Variants in HCN1 observed in about 807,000 individuals in gnomAD.
The protein encoded by HCN1 is hyperpolarization activated cyclic nucleotide gated potassium channel 1, also known as potassium/sodium hyperpolarization-activated cyclic nucleotide-gated channel 1.
Under a neutral mutation model 78.9 loss-of-function variants are expected in HCN1, and 13 were observed. The observed-to-expected ratio is 0.16, with a 90% confidence interval of 0.11 to 0.26. The LOEUF (loss-of-function observed/expected upper bound fraction) is 0.26, where lower values mean the gene tolerates loss of function less well. Among genes scored for constraint, HCN1 ranks in the 10% least tolerant of loss-of-function variants. The pLI is 1.00. For missense variants in HCN1, 810 were observed against 1,154.3 expected, an observed-to-expected ratio of 0.70 and a Z score of 4.32; for synonymous variants, 552 against 455.5, an observed-to-expected ratio of 1.21 and a Z score of -2.70.
chr5:45,416,227 G>A lies in HCN1; in HGVS notation c.1012-19517C>T, dbSNP rs183183997. Among the ~76,000 whole-genome samples the A allele has an allele frequency of 1.3e-3, 192 of 151,736 alleles. 1 individual carries two copies. The highest frequency in any genetic ancestry group is 4.5e-3 in the African/African-American group (186 of 41,400). On this transcript the variant is annotated intron_variant, in intron 3 of 7. Transcript: ENST00000303230. ...TTATTTTAATCATGAATGCATTGTC[G>A]GGGGTAAGCATCACTGGCTAGTTTT... is the stretch of plus-strand genomic sequence containing the variant.
intron 2 of HCN1, among the ~76,000 whole-genome samples, chr5:45,486,495 C>T (rs542921962): frequency 1.4e-4 from 22 of 152,188 alleles, no homozygotes; most frequent in African/African-American, 5.3e-4. Flanking sequence ...ATTAAATATA[C>T]TCTCATGGGG....
intron 3 of HCN1, among the ~76,000 whole-genome samples, chr5:45,421,004 G>A (rs530711176): frequency 5.3e-5 from 8 of 152,154 alleles, no homozygotes; most frequent in South Asian, 2.1e-4. Context: ...TGTTCACAGC[G>A]GCATGGCTTT....
At chr5:45,334,583 T>C (rs1172620757) in intron 5 of HCN1, among the ~76,000 whole-genome samples, 1 of 151,976 alleles carries the variant, frequency 6.6e-6, no homozygotes, top group East Asian at 1.9e-4. Context: ...AAGTACTTCC[T>C]TTGAGACTGA....
At chr5:45,543,504 C>T (rs1743144878) in intron 2 of HCN1, among the ~76,000 whole-genome samples, 1 of 151,810 alleles carries the variant, frequency 6.6e-6, no homozygotes, top group South Asian at 2.1e-4. Flanking sequence ...ACCTTGAAAC[C>T]CATAAACATT....
intron 4 of HCN1, among the ~76,000 whole-genome samples, chr5:45,369,626 A>AGAAG (rs1481465175): frequency 6.6e-6 from 1 of 152,134 alleles, no homozygotes; most frequent in Non-Finnish European, 1.5e-5. Context: ...TTCAGTGGTA[A>AGAAG]GAAATTTAAA....
chr5:45,559,926 C>A (rs1743559808), intron 2 of HCN1: 2 of 152,120 alleles, frequency 1.3e-5, no homozygotes, highest in African/African-American at 4.8e-5. Context: ...GTAAACACTG[C>A]CCTGATAAGC....
At chr5:45,376,347 T>TAGAGAGAG (rs1326291156) in intron 4 of HCN1, among the ~76,000 whole-genome samples, 4 of 97,278 alleles carry the variant, frequency 4.1e-5, no homozygotes, top group African/African-American at 1.4e-4. Flanking sequence ...ATTATATATA[T>TAGAGAGAG]ATAGAGAGAG....
At chr5:45,415,405 T>C (rs1249111781) in intron 3 of HCN1, among the ~76,000 whole-genome samples, 1 of 151,948 alleles carries the variant, frequency 6.6e-6, no homozygotes, top group Non-Finnish European at 1.5e-5. Flanking sequence ...AAAAACTTGG[T>C]CATGATGTAT....
At chr5:45,593,390 GAC>G (rs879303445) in intron 2 of HCN1, among the ~76,000 whole-genome samples, 11 of 148,818 alleles carry the variant, frequency 7.4e-5, no homozygotes, top group Non-Finnish European at 1.6e-4. Context: ...TAAGATGCAG[GAC>G]ACAGTGTGCT....
chr5:45,497,718 T>C (rs1344436311), intron 2 of HCN1, among the ~76,000 whole-genome samples: 2 of 152,168 alleles, frequency 1.3e-5, no homozygotes, highest in African/African-American at 4.8e-5. Context: ...TTGCAGCAGC[T>C]GGTACTGGTT....
intron 3 of HCN1, among the ~76,000 whole-genome samples, chr5:45,425,638 A>G (rs1182295621): frequency 6.6e-6 from 1 of 152,212 alleles, no homozygotes; most frequent in Non-Finnish European, 1.5e-5. Context: ...AGGACTAAGT[A>G]ATGAAGTAGT....
chr5:45,537,832 T>C (rs1210199690), intron 2 of HCN1, among the ~76,000 whole-genome samples: 1 of 152,088 alleles, frequency 6.6e-6, no homozygotes, highest in African/African-American at 2.4e-5. Flanking sequence ...TGACTACAAC[T>C]ATGTAAAGAA....
chr5:45,639,338 T>C (rs1173054975), intron 2 of HCN1, among the ~76,000 whole-genome samples: 2 of 152,210 alleles, frequency 1.3e-5, no homozygotes, highest in Admixed American at 1.3e-4. Flanking sequence ...TCAGTAGATG[T>C]GCTAATTTCA....
At chr5:45,615,137 A>T (rs2111985286) in intron 2 of HCN1, among the ~76,000 whole-genome samples, 1 of 152,200 alleles carries the variant, frequency 6.6e-6, no homozygotes, top group South Asian at 2.1e-4. Flanking sequence ...TCTAAGCAAG[A>T]TGATATAAAT....
rs879592315 is a variant in HCN1, at chr5:45,442,620, G to A, written c.1011+19226C>T. Among the ~76,000 whole-genome samples the A allele has an allele frequency of 5.7e-3, 868 of 151,812 alleles. 7 individuals are homozygous for A. Among genetic ancestry groups the A allele is most frequent in the Non-Finnish European group, 8.1e-3 (553 of 67,888 alleles). On this transcript the variant is annotated intron_variant, in intron 3 of 7. Transcript: ENST00000303230. ...TAGTTACCATATATAAAATATAATG[G>A]CATTTACAATAAAAAACATCTGAAT...
Position 45,343,970 on chromosome 5 carries a change from G to C in HCN1, c.1377+9130C>G, listed in dbSNP as rs558297513. The stretch of plus-strand genomic sequence containing the variant: ...TTATCAATAATTAACAGGTGTATTA[G>C]TATATTATAATGCTGTTAATAAAGA... On this transcript the variant is annotated intron_variant, in intron 5 of 7. Transcript: ENST00000303230. Among the ~76,000 whole-genome samples, 3 of 152,160 alleles carry C rather than the reference G, an allele frequency of 2.0e-5. No homozygotes were observed. In the South Asian group the frequency reaches 6.2e-4, roughly 32 times the overall value.
chr5:45,696,216 G>A lies in HCN1; in HGVS notation c.-123C>T. 1 of 204,246 alleles carries A rather than the reference G, an allele frequency of 4.9e-6. No homozygotes were observed. The highest frequency in any genetic ancestry group is 8.6e-6 in the Non-Finnish European group (1 of 116,096). 12.7% of individuals were successfully genotyped at this position (204,246 alleles called of 1,614,324 possible). ...GCCGGCGAGCCCAGCTGCCCGTCGC[G>A]GCGGCGGCGGCGGCGGCGGCGGCTG... On this transcript the variant is annotated 5_prime_UTR_variant, in exon 1 of 8. Coordinates refer to ENST00000303230, the MANE Select transcript of HCN1 (RefSeq NM_021072.4).
chr5:45,467,152 G>A (rs993850907), intron 2 of HCN1, among the ~76,000 whole-genome samples: 2 of 151,878 alleles, frequency 1.3e-5, no homozygotes, highest in African/African-American at 2.4e-5. Context: ...CTCACGAAAT[G>A]CTTTCTCTAC....
At chr5:45,365,087 CTT>C (rs1246046080) in intron 4 of HCN1, among the ~76,000 whole-genome samples, 19 of 151,988 alleles carry the variant, frequency 1.3e-4, no homozygotes, top group African/African-American at 4.6e-4. Context: ...ATTATTTAGT[CTT>C]TGTCAAGAAC....
Sources: allele counts gnomAD v4.1 joint callset (sites outside exome capture counted in the v4.1 genomes callset), GRCh38; gene constraint gnomAD v4.1.1; transcripts MANE v1.5; gene names NCBI Gene and HGNC (gene_info 2026-07-23, HGNC 2026-07-21).